Variants in STXBP5L observed in about 807,000 individuals in gnomAD.
STXBP5L encodes the protein syntaxin binding protein 5L, also known as syntaxin-binding protein 5-like.
STXBP5L carries 65 observed loss-of-function variants against 144.5 expected under a neutral mutation model. That is an observed-to-expected ratio of 0.45 (90% CI 0.37 to 0.55). The LOEUF is 0.55. Among genes scored for constraint, STXBP5L ranks in the 20% least tolerant of loss-of-function variants. The pLI is 0.00. For synonymous variants in STXBP5L, 505 were observed against 469.6 expected, an observed-to-expected ratio of 1.08 and a Z score of -0.97; for missense variants, 1,298 against 1,405.5, an observed-to-expected ratio of 0.92 and a Z score of 1.22.
rs1363444012 is a variant in STXBP5L, at chr3:120,991,360, G to A, written c.287+36323G>A. Among the ~76,000 whole-genome samples the A allele has an allele frequency of 5.3e-5, 8 of 151,754 alleles. No homozygotes were observed. The South Asian group carries it at 1.5e-3, about 28-fold the overall frequency. Reference sequence around the variant, plus strand: ...GTGCTGGAGAGGATGTGGAGAAATAGGAACACTTTTACAGTGGTGGTGGGA... The same window carrying A: ...GTGCTGGAGAGGATGTGGAGAAATAAGAACACTTTTACAGTGGTGGTGGGA... On this transcript the variant is annotated intron_variant, in intron 3 of 26. Transcript: ENST00000471454.
chr3:121,403,415 C>G (rs1174288721), intron 22 of STXBP5L, among the ~76,000 whole-genome samples: 2 of 152,174 alleles, frequency 1.3e-5, no homozygotes, highest in African/African-American at 4.8e-5. Context: ...ATATACTAGA[C>G]TTTACCTGCT....
At chr3:121,114,314 T>C (rs1390838861) in intron 5 of STXBP5L, among the ~76,000 whole-genome samples, 1 of 152,176 alleles carries the variant, frequency 6.6e-6, no homozygotes, top group East Asian at 1.9e-4. Flanking sequence ...TTATAAGTTT[T>C]CTTTTTACTG....
At chr3:120,959,856 A>C (rs2107728352) in intron 3 of STXBP5L, among the ~76,000 whole-genome samples, 1 of 152,344 alleles carries the variant, frequency 6.6e-6, no homozygotes, top group African/African-American at 2.4e-5. Flanking sequence ...CAAGGACTTC[A>C]TGACTAAAAC....
At chr3:120,950,758 C>T (rs1277390842) in intron 2 of STXBP5L, among the ~76,000 whole-genome samples, 4 of 152,052 alleles carry the variant, frequency 2.6e-5, no homozygotes, top group African/African-American at 9.7e-5. Flanking sequence ...CAATGCCATC[C>T]CCATCAAGCT....
At chr3:121,387,551 G>A (rs1303055739) in intron 22 of STXBP5L, among the ~76,000 whole-genome samples, 1 of 152,190 alleles carries the variant, frequency 6.6e-6, no homozygotes, top group Non-Finnish European at 1.5e-5. Flanking sequence ...TAACATTTAA[G>A]TCTTTAATCC....
intron 3 of STXBP5L, among the ~76,000 whole-genome samples, chr3:120,973,772 C>G (rs999338186): frequency 2.0e-5 from 3 of 151,782 alleles, no homozygotes; most frequent in Non-Finnish European, 4.4e-5. Flanking sequence ...CAATTCCCAC[C>G]TATGAGTGAG....
At chr3:120,930,698 A>G (rs1709884733) in intron 2 of STXBP5L, among the ~76,000 whole-genome samples, 1 of 152,078 alleles carries the variant, frequency 6.6e-6, no homozygotes, top group Non-Finnish European at 1.5e-5. Context: ...TTTCCCCCAA[A>G]CAGCCCGTCG....
intron 20 of STXBP5L, among the ~76,000 whole-genome samples, chr3:121,347,550 G>A (rs538503213): frequency 2.6e-4 from 40 of 152,288 alleles, no homozygotes; most frequent in African/African-American, 8.4e-4. Context: ...ACCTTGGGCA[G>A]TATGGCCATT....
At chr3:121,035,720 A>AT (rs1469099404) in intron 3 of STXBP5L, among the ~76,000 whole-genome samples, 5 of 151,880 alleles carry the variant, frequency 3.3e-5, no homozygotes, top group Non-Finnish European at 7.4e-5. Flanking sequence ...GAATTTTAAG[A>AT]TTTTTTCTAA....
chr3:121,414,282 C>T (rs1465708062), intron 24 of STXBP5L, among the ~76,000 whole-genome samples: 1 of 152,046 alleles, frequency 6.6e-6, no homozygotes, highest in Non-Finnish European at 1.5e-5. Context: ...GTGGAAAGTG[C>T]TATATATGGC....
chr3:121,068,317 C>T (rs112791019), intron 5 of STXBP5L, among the ~76,000 whole-genome samples: 2,941 of 152,314 alleles, frequency 0.019, 90 homozygotes, highest in African/African-American at 0.066. Context: ...CAATATTAGT[C>T]TTATACTTGG....
intron 2 of STXBP5L, among the ~76,000 whole-genome samples, chr3:120,944,823 T>G (rs1559894464): frequency 6.6e-6 from 1 of 151,864 alleles, no homozygotes; most frequent in Non-Finnish European, 1.5e-5. Flanking sequence ...TACTTAGTCT[T>G]TTCTTTCATC....
chr3:121,168,067 C>A (rs2046567092), intron 9 of STXBP5L, among the ~76,000 whole-genome samples: 1 of 152,090 alleles, frequency 6.6e-6, no homozygotes, highest in Non-Finnish European at 1.5e-5. Context: ...CCAGCAAACT[C>A]CAGCAGACCT....
intron 14 of STXBP5L, among the ~76,000 whole-genome samples, chr3:121,247,616 C>T (rs2049896801): frequency 6.6e-6 from 1 of 152,186 alleles, no homozygotes; most frequent in African/African-American, 2.4e-5. Flanking sequence ...ATTATAGCCT[C>T]CAGCTCCATC....
intron 20 of STXBP5L, among the ~76,000 whole-genome samples, chr3:121,330,548 CA>C: frequency 6.6e-6 from 1 of 152,284 alleles, no homozygotes; most frequent in South Asian, 2.1e-4. Context: ...TTGCTTGAGA[CA>C]GTAGGGTACC....
chr3:121,013,165 C>T (rs1456424698), intron 3 of STXBP5L, among the ~76,000 whole-genome samples: 1 of 151,860 alleles, frequency 6.6e-6, no homozygotes, highest in Non-Finnish European at 1.5e-5. Context: ...CATATGAGGC[C>T]AAATGACTTT....
chr3:121,101,288 A>G (rs2043409825), intron 5 of STXBP5L, among the ~76,000 whole-genome samples: 2 of 152,160 alleles, frequency 1.3e-5, no homozygotes, highest in African/African-American at 2.4e-5. Flanking sequence ...AGACACAATG[A>G]AAAAAGGACA....
At chr3:121,007,473 A>T (rs765534835) in intron 3 of STXBP5L, among the ~76,000 whole-genome samples, 40 of 152,012 alleles carry the variant, frequency 2.6e-4, no homozygotes, top group Non-Finnish European at 3.5e-4. Context: ...TAATTCCTTA[A>T]ATGTTTGCTG....
At chr3:120,984,084 A>C (rs1251898104) in intron 3 of STXBP5L, among the ~76,000 whole-genome samples, 1 of 152,046 alleles carries the variant, frequency 6.6e-6, no homozygotes, top group Non-Finnish European at 1.5e-5. Flanking sequence ...CTCCACTCTC[A>C]GTGGTTCCCA....
Sources: gnomAD v4.1 joint callset for allele counts (sites outside exome capture counted in the v4.1 genomes callset) on GRCh38, gnomAD v4.1.1 for gene constraint, MANE v1.5 for transcripts, NCBI Gene and HGNC (gene_info 2026-07-23, HGNC 2026-07-21) for gene names.